Variants in HERC3 observed in about 807,000 individuals in gnomAD.
HERC3 encodes the protein HECT and RLD domain containing E3 ubiquitin protein ligase 3.
A neutral mutation model predicts 129.9 loss-of-function variants in HERC3; 58 were observed. The observed-to-expected ratio is 0.45, with a 90% confidence interval of 0.36 to 0.56. The LOEUF (loss-of-function observed/expected upper bound fraction) is 0.56, where lower values mean the gene tolerates loss of function less well. Ranked by LOEUF, HERC3 falls within the 20% of genes least tolerant of loss-of-function variation. The pLI, the probability that HERC3 is intolerant of heterozygous loss-of-function variation, is 0.00. For missense variants in HERC3, 835 were observed against 1,244.2 expected, an observed-to-expected ratio of 0.67 and a Z score of 4.95; for synonymous variants, 430 against 451.0, an observed-to-expected ratio of 0.95 and a Z score of 0.59.
At position 88,627,941 on chromosome 4, in the gene HERC3, A is replaced by ATTTG. The variant is rs1350152696; in HGVS notation, c.227-21895_227-21892dup. Among the ~76,000 whole-genome samples the ATTTG allele has an allele frequency of 8.0e-5, 12 of 150,374 alleles. No homozygotes were observed. The East Asian group carries it at 2.1e-3, about 27-fold the overall frequency. ...AAAAAAAAAAGAAAACTTATCTGAG[A>ATTTG]TTTGTTTTACGGCCCAGAATATGGT... On this transcript the variant is annotated intron_variant, in intron 3 of 25. Transcript: ENST00000402738.
chr4:88,706,229 A>G (rs1168279362), intron 25 of HERC3, among the ~76,000 whole-genome samples: 1 of 152,236 alleles, frequency 6.6e-6, no homozygotes, highest in Non-Finnish European at 1.5e-5. Flanking sequence ...AGCACTAGAA[A>G]ACAAGGAGCT....
At chr4:88,592,929 A>G (rs1721880760) in intron 1 of HERC3, among the ~76,000 whole-genome samples, 1 of 151,902 alleles carries the variant, frequency 6.6e-6, no homozygotes, top group African/African-American at 2.4e-5. Flanking sequence ...CCCGGGAGGA[A>G]TTGCGACGCA....
the HERC3 span, among the ~76,000 whole-genome samples, chr4:88,539,135 C>T: frequency 2.0e-5 from 3 of 152,142 alleles, no homozygotes; most frequent in Non-Finnish European, 4.4e-5. Flanking sequence ...ACCTGGGAAG[C>T]GCAAGGTGTC....
chr4:88,538,502 T>C, the HERC3 span, among the ~76,000 whole-genome samples: 1 of 152,152 alleles, frequency 6.6e-6, no homozygotes, highest in South Asian at 2.1e-4. Context: ...TCTGTTGACT[T>C]CACATGGTCA....
At chr4:88,547,548 C>A in the HERC3 span, among the ~76,000 whole-genome samples, 7 of 152,204 alleles carry the variant, frequency 4.6e-5, no homozygotes, top group African/African-American at 1.7e-4. Flanking sequence ...TAGGCAACCA[C>A]GAATCTACTT....
At chr4:88,681,063 C>A in intron 20 of HERC3, 96 bp from the exon 21 acceptor site, 3 of 1,473,480 alleles carry the variant, frequency 2.0e-6, no homozygotes, top group Non-Finnish European at 2.7e-6. Flanking sequence ...GACCTTTATT[C>A]TTTTATTTTG....
At chr4:88,552,281 T>TAA in the HERC3 span, among the ~76,000 whole-genome samples, 29 of 143,306 alleles carry the variant, frequency 2.0e-4, no homozygotes, top group African/African-American at 7.1e-4. Context: ...ACTTAAAGTA[T>TAA]AAAAAAAAAA....
intron 16 of HERC3, among the ~76,000 whole-genome samples, chr4:88,672,001 G>A (rs1204214171): frequency 2.6e-5 from 4 of 152,028 alleles, no homozygotes; most frequent in Non-Finnish European, 5.9e-5. Context: ...ATAACATTAT[G>A]AGCAGAAAAA....
chr4:88,540,885 A>C, the HERC3 span, among the ~76,000 whole-genome samples: 4 of 152,230 alleles, frequency 2.6e-5, no homozygotes, highest in East Asian at 1.9e-4. Context: ...ATAGACAAGA[A>C]AAAGGCTGAG....
Position 88,649,872 on chromosome 4 carries a change from A to G in HERC3, c.259A>G (p.Ile87Val), listed in dbSNP as rs763184910. 1.9e-6 allele frequency: 3 copies of G among 1,614,030 alleles called. No homozygotes were observed. The Admixed American group carries it at 5.0e-5, about 27-fold the overall frequency. ...QIGALADQHI[I>V]HVACGESHSL... Reference sequence around the variant, plus strand: ...TGGAGCTCTGGCAGATCAGCATATCATTCATGTGGCATGTGGCGAGTCCCA... The same window carrying G: ...TGGAGCTCTGGCAGATCAGCATATCGTTCATGTGGCATGTGGCGAGTCCCA... Residue 87 changes from isoleucine to valine, a missense_variant, in exon 4 of 26, where the codon ATT becomes GTT. Transcript: ENST00000402738.
intron 1 of HERC3, among the ~76,000 whole-genome samples, chr4:88,594,426 G>A (rs985847421): frequency 6.6e-6 from 1 of 152,056 alleles, no homozygotes; most frequent in Non-Finnish European, 1.5e-5. Context: ...TTTCGAGATG[G>A]GGGGTCTCGC....
the HERC3 span, among the ~76,000 whole-genome samples, chr4:88,567,045 TC>T: frequency 1.3e-5 from 2 of 152,186 alleles, no homozygotes; most frequent in South Asian, 4.1e-4. Context: ...TGCCTTAGCC[TC>T]CCAAAGTGGT....
the HERC3 span, among the ~76,000 whole-genome samples, chr4:88,576,903 T>A: frequency 6.6e-6 from 1 of 152,182 alleles, no homozygotes; most frequent in South Asian, 2.1e-4. Flanking sequence ...ACTTCCTCAG[T>A]TTTTTTCTGA....
At chr4:88,659,597 C>T (rs973779409) in intron 10 of HERC3, among the ~76,000 whole-genome samples, 1 of 152,172 alleles carries the variant, frequency 6.6e-6, no homozygotes, top group African/African-American at 2.4e-5. Flanking sequence ...TAGACCCAGC[C>T]TCAGAGTGTG....
At position 88,681,260 on chromosome 4, in the gene HERC3, C is replaced by T; in HGVS notation, c.2442C>T (p.Tyr814=). 1 of 1,614,036 alleles carries T rather than the reference C, an allele frequency of 6.2e-7. No individual in the cohort carries two copies. The highest frequency in any genetic ancestry group is 8.5e-7 in the Non-Finnish European group (1 of 1,179,940). ...VVDLHFPLAL[Y]KKLLNVKPGL... ...ATCTCCACTTCCCATTGGCTCTCTA[C>T]AAGAAGTTACTCAATGTAAAGCCTG... Residue 814 remains tyrosine (Y), a synonymous_variant, in exon 21 of 26, where the codon TAC becomes TAT. Transcript: ENST00000402738.
the HERC3 span, among the ~76,000 whole-genome samples, chr4:88,531,433 G>T: frequency 6.6e-6 from 1 of 152,072 alleles, no homozygotes; most frequent in African/African-American, 2.4e-5. Context: ...AAAAATAAGC[G>T]TTCACTAAAA....
At chr4:88,593,483 T>A (rs1178884077) in intron 1 of HERC3, 6 of 152,228 alleles carry the variant, frequency 3.9e-5, no homozygotes, top group Admixed American at 3.3e-4. Flanking sequence ...CAGCATGAGC[T>A]CCAGGGAATA....
In HERC3 at chr4:88,649,928, G is replaced by A; in HGVS notation, c.315G>A (p.Leu105=). The A allele has an allele frequency of 3.7e-6, 6 of 1,614,150 alleles. No individual in the cohort carries two copies. The highest frequency in any genetic ancestry group is 5.1e-6 in the Non-Finnish European group (6 of 1,180,012). Residue 105 remains leucine, a synonymous_variant, in exon 4 of 26, where the codon CTG becomes CTA. Transcript: ENST00000402738. ...TGGCCCTCAGTGACCGAGGCCAGCTGTTTTCTTGGGGTGCAGGGAGTGATG... is the reference window on the plus strand; with the variant it reads ...TGGCCCTCAGTGACCGAGGCCAGCTATTTTCTTGGGGTGCAGGGAGTGATG... ...HSLALSDRGQ[L]FSWGAGSDGQ...
chr4:88,574,277 A>T, the HERC3 span, among the ~76,000 whole-genome samples: 7 of 152,246 alleles, frequency 4.6e-5, no homozygotes, highest in Non-Finnish European at 1.0e-4. Context: ...CTTTATGCAC[A>T]TTCCATCTTT....
Sources: gnomAD v4.1 joint callset for allele counts (sites outside exome capture counted in the v4.1 genomes callset) on GRCh38, gnomAD v4.1.1 for gene constraint, MANE v1.5 for transcripts, NCBI Gene and HGNC (gene_info 2026-07-23, HGNC 2026-07-21) for gene names.